RBKS: variants seen among roughly 807,000 people sequenced by gnomAD.
RBKS encodes ribokinase.
Under a neutral mutation model 33.9 loss-of-function variants are expected in RBKS, and 33 were observed. That is an observed-to-expected ratio of 0.97 (90% CI 0.74 to 1.30). The LOEUF (loss-of-function observed/expected upper bound fraction) is 1.30. RBKS is among the 50% of genes most tolerant of loss of function. RBKS has a pLI of 0.00. For synonymous variants in RBKS, 125 were observed against 143.0 expected, an observed-to-expected ratio of 0.87 and a Z score of 0.90; for missense variants, 361 against 392.6, an observed-to-expected ratio of 0.92 and a Z score of 0.68.
chr2:27,849,593 GAAAA>G (rs376552672), intron 2 of RBKS, among the ~76,000 whole-genome samples: 3 of 100,078 alleles, frequency 3.0e-5, no homozygotes, highest in Middle Eastern at 5.3e-3. Context: ...AAAAGAAAAA[GAAAA>G]AAAGAAAAAA....
intron 7 of RBKS, among the ~76,000 whole-genome samples, chr2:27,794,483 C>T (rs1027710439): frequency 9.9e-5 from 15 of 151,714 alleles, no homozygotes; most frequent in African/African-American, 2.9e-4. Context: ...TGCTACAAAT[C>T]GGGGTAGACT....
Position 27,837,450 on chromosome 2 carries a change from A to T in RBKS, c.515-4673T>A, listed in dbSNP as rs1265804995. ...TCAAAGAACTTAAAATAGACCTACC[A>T]TTTGACCCAGCAATCCTATGCCTGG... On this transcript the variant is annotated intron_variant, in intron 5 of 7. Coordinates refer to ENST00000302188, the MANE Select transcript of RBKS (RefSeq NM_022128.3). This position sits in a 1 kb window ranked among gnomAD's most constrained non-coding sequence, Gnocchi z 4.0. Among the ~76,000 whole-genome samples, 1 of 152,196 alleles carries T rather than the reference A, an allele frequency of 6.6e-6. No homozygotes were observed. Among genetic ancestry groups the T allele is most frequent in the Non-Finnish European group, 1.5e-5 (1 of 68,030 alleles).
chr2:27,820,263 AC>A (rs1447194862), intron 7 of RBKS, among the ~76,000 whole-genome samples: 2 of 152,086 alleles, frequency 1.3e-5, no homozygotes, highest in East Asian at 3.9e-4. Context: ...CCTTTATAAC[AC>A]CTTCTCCCCA....
intron 2 of RBKS, among the ~76,000 whole-genome samples, chr2:27,854,934 A>G (rs1414540059): frequency 6.6e-6 from 1 of 152,198 alleles, no homozygotes; most frequent in African/African-American, 2.4e-5. Context: ...TTGGCAAGAT[A>G]AAATAAGATC....
intron 7 of RBKS, among the ~76,000 whole-genome samples, chr2:27,798,504 G>A (rs935563302): frequency 6.6e-6 from 1 of 152,012 alleles, no homozygotes; most frequent in African/African-American, 2.4e-5. Flanking sequence ...AATCCTAAAT[G>A]TTTCTCAAAT....
intron 7 of RBKS, among the ~76,000 whole-genome samples, chr2:27,819,373 A>G (rs1678156146): frequency 6.6e-6 from 1 of 152,100 alleles, no homozygotes; most frequent in Non-Finnish European, 1.5e-5. Context: ...AACCATAATT[A>G]CTTTCTTTTC....
At chr2:27,846,219 T>G (rs1169607435) in intron 4 of RBKS, among the ~76,000 whole-genome samples, 2 of 152,216 alleles carry the variant, frequency 1.3e-5, no homozygotes, top group Non-Finnish European at 2.9e-5. Flanking sequence ...CCACCTGCCT[T>G]GGCCTCCCAA....
In RBKS at chr2:27,827,567, C is replaced by A; in HGVS notation, c.795G>T (p.Thr265=). 2 of 1,549,120 alleles carry A rather than the reference C, an allele frequency of 1.3e-6. No individual in the cohort carries two copies. The highest frequency in any genetic ancestry group is 1.4e-5 in the African/African-American group (1 of 71,484). Reference sequence around the variant, plus strand: ...ATGATTCTTAAATTTTAAAACTTACCGTGGTATCCACAGCCTTGACTTTCT... The same window carrying A: ...ATGATTCTTAAATTTTAAAACTTACAGTGGTATCCACAGCCTTGACTTTCT... ...PTEKVKAVDT[T]GAGDSFVGAL... is the part of the protein sequence containing the mutation. The change falls in exon 7 of 8, where the codon ACG becomes ACT. Residue 265 remains threonine, a splice_region_variant and synonymous_variant. Coordinates refer to ENST00000302188, the MANE Select transcript of RBKS (RefSeq NM_022128.3).
rs368671170 is a variant in RBKS at position 27,873,441 on chromosome 2, T to A, written c.90-14870A>T. 1.1e-4 allele frequency among the ~76,000 whole-genome samples: 17 copies of A among 152,340 alleles called. 1 individual carries two copies. Among genetic ancestry groups the A allele is most frequent in the African/African-American group, 4.1e-4 (17 of 41,582 alleles). On this transcript the variant is annotated intron_variant, in intron 1 of 7. Coordinates refer to ENST00000302188, the MANE Select transcript of RBKS (RefSeq NM_022128.3). ...AAGAAACATTTTAGATAATACTCTATTTTCTTTATGGTCTTGACAGAATAC... is the reference window on the plus strand; with the variant it reads ...AAGAAACATTTTAGATAATACTCTAATTTCTTTATGGTCTTGACAGAATAC...
chr2:27,805,391 C>T (rs1298110389), intron 7 of RBKS, among the ~76,000 whole-genome samples: 1 of 152,060 alleles, frequency 6.6e-6, no homozygotes, highest in Non-Finnish European at 1.5e-5. Flanking sequence ...TCCAGACACC[C>T]CTGCACAGGC....
chr2:27,832,844 C>T (rs551451626), intron 5 of RBKS, 67 bp from the exon 6 acceptor site: 1 of 1,018,478 alleles, frequency 9.8e-7, no homozygotes, highest in Non-Finnish European at 1.6e-6. Flanking sequence ...TTACAGACAA[C>T]ATTCAGTAGG....
intron 1 of RBKS, among the ~76,000 whole-genome samples, chr2:27,884,495 T>C (rs893341795): frequency 2.0e-5 from 3 of 152,096 alleles, no homozygotes; most frequent in Non-Finnish European, 2.9e-5. Flanking sequence ...ATCCACCCGC[T>C]TGGCTTCCCA....
intron 7 of RBKS, among the ~76,000 whole-genome samples, chr2:27,789,108 A>G (rs1015799842): frequency 3.3e-5 from 5 of 152,238 alleles, no homozygotes; most frequent in Non-Finnish European, 5.9e-5. Flanking sequence ...AGATACTGAC[A>G]TAAGGATAGA....
At chr2:27,885,598 T>C (rs1664511562) in intron 1 of RBKS, among the ~76,000 whole-genome samples, 1 of 152,196 alleles carries the variant, frequency 6.6e-6, no homozygotes, top group South Asian at 2.1e-4. Context: ...TCTTTCCTCC[T>C]TTAGGTCTTT....
At chr2:27,791,757 C>A (rs1677532154) in intron 7 of RBKS, among the ~76,000 whole-genome samples, 1 of 151,828 alleles carries the variant, frequency 6.6e-6, no homozygotes, top group African/African-American at 2.4e-5. Flanking sequence ...AATATCAATT[C>A]ATTTATATGA....
chr2:27,867,242 C>T (rs1473401925), intron 1 of RBKS, among the ~76,000 whole-genome samples: 2 of 152,074 alleles, frequency 1.3e-5, no homozygotes, highest in Admixed American at 1.3e-4. Flanking sequence ...TCTCTGGATG[C>T]TCACTAGTTA....
chr2:27,879,472 C>T (rs1664378628), intron 1 of RBKS, among the ~76,000 whole-genome samples: 1 of 152,032 alleles, frequency 6.6e-6, no homozygotes, highest in Non-Finnish European at 1.5e-5. Context: ...GAGTGAGTTC[C>T]TAATAAAAGG....
Position 27,825,778 on chromosome 2 carries a change from C to T in RBKS, c.795+1789G>A, listed in dbSNP as rs549435843. Among the ~76,000 whole-genome samples, 8 of 152,322 alleles carry T rather than the reference C, an allele frequency of 5.3e-5. No homozygotes were observed. In the South Asian group the frequency reaches 1.7e-3, roughly 32 times the overall value. ...TCTTTACACTTTGCAATTATGTGCA[C>T]CAAATAAATCCTTTTTCCTGCATAA... On this transcript the variant is annotated intron_variant, in intron 7 of 7. Coordinates refer to ENST00000302188, the MANE Select transcript of RBKS (RefSeq NM_022128.3).
At chr2:27,877,405 AT>A (rs1463373328) in intron 1 of RBKS, among the ~76,000 whole-genome samples, 1 of 151,534 alleles carries the variant, frequency 6.6e-6, no homozygotes, top group African/African-American at 2.4e-5. Flanking sequence ...ATATTTGTAA[AT>A]TTTTTGAGCT....
Sources: gnomAD v4.1 joint callset for allele counts (sites outside exome capture counted in the v4.1 genomes callset) on GRCh38, gnomAD v4.1.1 for gene constraint, Gnocchi (gnomAD v3.1) non-coding constraint, MANE v1.5 for transcripts, NCBI Gene and HGNC (gene_info 2026-07-23, HGNC 2026-07-21) for gene names.